CSMD1: variants seen among roughly 807,000 people sequenced by gnomAD.
CSMD1 encodes the protein CUB and Sushi multiple domains 1, also known as CUB and sushi domain-containing protein 1.
Under a neutral mutation model 417.5 loss-of-function variants are expected in CSMD1, and 213 were observed. The ratio of observed to expected loss-of-function variants is 0.51; its 90% CI spans 0.46 to 0.57. The LOEUF (loss-of-function observed/expected upper bound fraction) is 0.57. CSMD1 is among the 20% of genes least tolerant of loss of function. CSMD1 has a pLI of 0.00. For synonymous variants in CSMD1, 2,862 were observed against 1,736.8 expected (o/e 1.65, Z -16.11); for missense variants, 6,923 against 4,529.7 (o/e 1.53, Z -15.17).
chr8:4,439,574 C>G (rs978490853), intron 2 of CSMD1, among the ~76,000 whole-genome samples: 1 of 152,032 alleles, frequency 6.6e-6, no homozygotes, highest in African/African-American at 2.4e-5. Context: ...GCTGAAAATA[C>G]ATATTTCTTT....
In CSMD1 at chr8:4,732,382, TA is replaced by T. The variant is rs66712491; in HGVS notation, c.86-94825del. The stretch of plus-strand genomic sequence containing the variant: ...GTGTGTGTGTGTGTGTGTGTGTGTG[TA>T]GTGTTTTTCCCCTGAGATTCTCACT... On this transcript the variant is annotated intron_variant, in intron 1 of 69. Coordinates refer to ENST00000635120, the MANE Select transcript of CSMD1 (RefSeq NM_033225.6). Among the ~76,000 whole-genome samples the T allele has an allele frequency of 1.6e-3, 184 of 117,770 alleles. 2 individuals are homozygous for T. The highest frequency in any genetic ancestry group is 6.0e-3 in the African/African-American group (175 of 29,302). The allele number at this position is 117,770 out of a possible 152,430, so 77.3% of individuals were successfully genotyped here.
intron 3 of CSMD1, among the ~76,000 whole-genome samples, chr8:4,257,280 T>A (rs1477974164): frequency 6.6e-6 from 1 of 152,196 alleles, no homozygotes; most frequent in Non-Finnish European, 1.5e-5. Flanking sequence ...CTGTACCCTT[T>A]CTGTTATGGC....
chr8:4,247,846 C>G (rs180904083), intron 3 of CSMD1, among the ~76,000 whole-genome samples: 3 of 152,138 alleles, frequency 2.0e-5, no homozygotes, highest in Non-Finnish European at 4.4e-5. Flanking sequence ...TTAATAAATT[C>G]TATCACATCG....
intron 7 of CSMD1, among the ~76,000 whole-genome samples, chr8:3,690,525 A>G (rs1800182519): frequency 6.6e-6 from 1 of 152,144 alleles, no homozygotes; most frequent in Admixed American, 6.5e-5. Context: ...TCCCAAATAG[A>G]CTGTTAGTCA....
At chr8:4,519,688 A>AAT (rs1485770046) in intron 2 of CSMD1, among the ~76,000 whole-genome samples, 5 of 132,892 alleles carry the variant, frequency 3.8e-5, no homozygotes, top group Non-Finnish European at 7.8e-5. Flanking sequence ...GGTTACAGTG[A>AAT]GCTGCGATTG....
At chr8:4,583,154 C>T (rs1799516281) in intron 2 of CSMD1, among the ~76,000 whole-genome samples, 1 of 152,184 alleles carries the variant, frequency 6.6e-6, no homozygotes, top group Admixed American at 6.5e-5. Flanking sequence ...CCCCAACGAG[C>T]ACCATCCTCT....
chr8:3,437,399 A>C (rs1241630832), intron 12 of CSMD1, among the ~76,000 whole-genome samples: 1 of 152,168 alleles, frequency 6.6e-6, no homozygotes. Context: ...CAATTCATAC[A>C]GTTCTGACTT....
intron 1 of CSMD1, among the ~76,000 whole-genome samples, chr8:4,666,284 T>C (rs978101088): frequency 4.6e-5 from 7 of 152,176 alleles, no homozygotes; most frequent in African/African-American, 1.7e-4. Context: ...AAGCTAACCT[T>C]AGAATAGAAA....
intron 3 of CSMD1, among the ~76,000 whole-genome samples, chr8:4,166,628 G>A (rs148041835): frequency 7.9e-5 from 12 of 152,104 alleles, no homozygotes; most frequent in Non-Finnish European, 1.6e-4. Flanking sequence ...GGGAGCAGGG[G>A]ACAGAAGACT....
chr8:3,867,951 C>G (rs1805221459), intron 5 of CSMD1, among the ~76,000 whole-genome samples: 1 of 152,098 alleles, frequency 6.6e-6, no homozygotes, highest in Admixed American at 6.6e-5. Flanking sequence ...CTTTGTATGT[C>G]TTCTCTGGTG....
At chr8:3,390,189 T>C (rs1171549615) in intron 17 of CSMD1, among the ~76,000 whole-genome samples, 1 of 151,764 alleles carries the variant, frequency 6.6e-6, no homozygotes, top group Non-Finnish European at 1.5e-5. Context: ...AACCTGTCTC[T>C]GCTAAAAATA....
chr8:3,387,922 C>T (rs975593082), intron 17 of CSMD1, among the ~76,000 whole-genome samples: 1 of 152,124 alleles, frequency 6.6e-6, no homozygotes, highest in Non-Finnish European at 1.5e-5. Context: ...ATACAACAAC[C>T]TTGAATAATT....
intron 5 of CSMD1, among the ~76,000 whole-genome samples, chr8:3,858,342 C>G (rs914439676): frequency 6.6e-6 from 1 of 152,236 alleles, no homozygotes; most frequent in East Asian, 1.9e-4. Context: ...GAGAAAAATG[C>G]TTAAAATATT....
chr8:3,200,754 C>A (rs900184390), intron 32 of CSMD1, among the ~76,000 whole-genome samples: 1 of 151,776 alleles, frequency 6.6e-6, no homozygotes, highest in African/African-American at 2.4e-5. Flanking sequence ...CATCATTGAA[C>A]CTTGGTAGAA....
chr8:3,189,936 T>G lies in CSMD1; in HGVS notation c.5374A>C (p.Asn1792His). The change falls in exon 34 of 70, where the codon AAC (asparagine) becomes CAC (histidine). Residue 1792 changes from asparagine to histidine, a missense_variant. Transcript: ENST00000635120. ...CCCACACAGCTGGGGATCGTGTCGT[T>G]CCACTGTGCCAAGGCGTTGGGCACG... ...QSVPNALAQW[N>H]DTIPSCVVPC... The G allele has an allele frequency of 6.3e-7, 1 of 1,589,314 alleles. No individual in the cohort carries two copies. Among genetic ancestry groups the G allele is most frequent in the African/African-American group, 1.3e-5 (1 of 74,526 alleles).
intron 5 of CSMD1, among the ~76,000 whole-genome samples, chr8:3,954,860 G>C (rs1187223882): frequency 6.6e-6 from 1 of 152,206 alleles, no homozygotes; most frequent in Non-Finnish European, 1.5e-5. Flanking sequence ...ATGTGCATTG[G>C]AGTCTTTCTT....
intron 6 of CSMD1, among the ~76,000 whole-genome samples, chr8:3,721,229 T>C (rs1802152038): frequency 6.6e-6 from 1 of 152,184 alleles, no homozygotes; most frequent in African/African-American, 2.4e-5. Flanking sequence ...TTTGTGAAAC[T>C]CCTAAATCCA....
At chr8:3,693,285 G>C (rs1024841557) in intron 7 of CSMD1, among the ~76,000 whole-genome samples, 8 of 152,114 alleles carry the variant, frequency 5.3e-5, no homozygotes, top group African/African-American at 1.9e-4. Flanking sequence ...TTATCAATGA[G>C]ATTATATTCT....
chr8:4,531,857 G>A (rs1241764728), intron 2 of CSMD1, among the ~76,000 whole-genome samples: 4 of 150,994 alleles, frequency 2.6e-5, no homozygotes, highest in East Asian at 2.0e-4. Context: ...ATCCTGCACC[G>A]CATTCAGTCA....
Sources: allele counts gnomAD v4.1 joint callset (sites outside exome capture counted in the v4.1 genomes callset), GRCh38; gene constraint gnomAD v4.1.1; transcripts MANE v1.5; gene names NCBI Gene and HGNC (gene_info 2026-07-23, HGNC 2026-07-21).